Variants in PDK1 observed in about 807,000 individuals in gnomAD.
PDK1 encodes pyruvate dehydrogenase kinase 1.
Under a neutral mutation model 54.2 loss-of-function variants are expected in PDK1, and 39 were observed. The ratio of observed to expected loss-of-function variants is 0.72; its 90% CI spans 0.56 to 0.94. The LOEUF is 0.94. Ranked by LOEUF, PDK1 falls within the 40% of genes least tolerant of loss-of-function variation. The pLI is 0.00. For missense variants in PDK1, 552 were observed against 566.0 expected, an observed-to-expected ratio of 0.98 and a Z score of 0.25; for synonymous variants, 221 against 207.1, an observed-to-expected ratio of 1.07 and a Z score of -0.58.
chr2:172,630,632 ATT>A, the PDK1 span, among the ~76,000 whole-genome samples: 6,763 of 143,986 alleles, frequency 0.047, 310 homozygotes, highest in African/African-American at 0.12. Context: ...CTCTAATGGA[ATT>A]TTTTTTTTTT....
chr2:172,702,450 C>T, the PDK1 span, among the ~76,000 whole-genome samples: 7 of 151,018 alleles, frequency 4.6e-5, no homozygotes, highest in African/African-American at 1.7e-4. Context: ...GCACTCCAGC[C>T]TGGGCAACAG....
chr2:172,711,865 CAAAAAAAAAAAAAAAAAA>C, the PDK1 span, among the ~76,000 whole-genome samples: 106 of 22,790 alleles, frequency 4.7e-3, no homozygotes, highest in African/African-American at 0.013. Flanking sequence ...GAACCTAGCT[CAAAAAAAAAAAAAAAAAA>C]AAAAAAAAAA....
chr2:172,676,524 A>G, the PDK1 span, among the ~76,000 whole-genome samples: 2 of 152,204 alleles, frequency 1.3e-5, no homozygotes, highest in African/African-American at 4.8e-5. Flanking sequence ...AAGGGAATAG[A>G]ATTAGAAATG....
rs540289847 is a variant in PDK1 at position 172,598,144 on chromosome 2, C to A, written c.*2175C>A. On this transcript the variant is annotated 3_prime_UTR_variant, in exon 11 of 11. Transcript: ENST00000282077. ...ATTACAATTTTTTAGCTTTAAATTA[C>A]AGTTTTCTTATAATGTTGAAATGTT... 6.6e-6 allele frequency: 1 copy of A among 152,242 alleles called. No homozygotes were observed. The highest frequency in any genetic ancestry group is 2.1e-4 in the South Asian group (1 of 4,824). The allele number at this position is 152,242 out of a possible 1,614,324, so 9.4% of individuals were successfully genotyped here. A position where few individuals can be genotyped will look rare whatever the true frequency, so the allele number is the denominator to read the frequency against.
At position 172,604,461 on chromosome 2, in the gene PDK1, T is replaced by A. The variant is rs1239972794; in HGVS notation, c.*8492T>A. Reference sequence around the variant, plus strand: ...GCGCATATTTTGTTAGACTTAAATCTAAGTATTTGCTTTTTTTTTAACTTA... The same window carrying A: ...GCGCATATTTTGTTAGACTTAAATCAAAGTATTTGCTTTTTTTTTAACTTA... On this transcript the variant is annotated 3_prime_UTR_variant, in exon 11 of 11. Transcript: ENST00000282077. 2 of 152,204 alleles carry A rather than the reference T, an allele frequency of 1.3e-5. No individual in the cohort carries two copies. The highest frequency in any genetic ancestry group is 4.8e-5 in the African/African-American group (2 of 41,444). The allele number at this position is 152,204 out of a possible 1,614,324, so 9.4% of individuals were successfully genotyped here.
At chr2:172,575,970 C>T (rs374656051) in intron 8 of PDK1, among the ~76,000 whole-genome samples, 63 of 152,184 alleles carry the variant, frequency 4.1e-4, no homozygotes, top group African/African-American at 1.4e-3. Context: ...CTCTGTCGCC[C>T]AGGCTGGAGT....
At chr2:172,633,662 T>A in the PDK1 span, among the ~76,000 whole-genome samples, 1 of 151,216 alleles carries the variant, frequency 6.6e-6, no homozygotes, top group African/African-American at 2.4e-5. Flanking sequence ...ATTGACATTT[T>A]ATATTTGCTT....
the PDK1 span, among the ~76,000 whole-genome samples, chr2:172,664,039 C>G: frequency 6.7e-6 from 1 of 149,748 alleles, no homozygotes; most frequent in Non-Finnish European, 1.5e-5. Context: ...TTGCCAGGCG[C>G]GGTGGCTCAC....
At chr2:172,638,574 T>G in the PDK1 span, among the ~76,000 whole-genome samples, 1 of 152,208 alleles carries the variant, frequency 6.6e-6, no homozygotes, top group Admixed American at 6.5e-5. Context: ...CTAGGAAATA[T>G]CTATACTTAA....
the PDK1 span, among the ~76,000 whole-genome samples, chr2:172,665,280 C>T: frequency 1.3e-5 from 2 of 152,100 alleles, no homozygotes; most frequent in Non-Finnish European, 2.9e-5. Context: ...TGATCTCAGA[C>T]TAGGGTGGAC....
intron 8 of PDK1, among the ~76,000 whole-genome samples, chr2:172,577,467 T>C (rs1689640813): frequency 6.6e-6 from 1 of 152,114 alleles, no homozygotes; most frequent in Admixed American, 6.5e-5. Flanking sequence ...GTAATTTTGG[T>C]TTATGTTTGC....
At chr2:172,572,764 T>G (rs1689352858) in intron 8 of PDK1, among the ~76,000 whole-genome samples, 1 of 152,126 alleles carries the variant, frequency 6.6e-6, no homozygotes, top group Non-Finnish European at 1.5e-5. Context: ...ACCTATGAAG[T>G]CACTTCCCGT....
At position 172,600,775 on chromosome 2, in the gene PDK1, G is replaced by C. The variant is rs554774489; in HGVS notation, c.*4806G>C. 1 of 152,216 alleles carries C rather than the reference G, an allele frequency of 6.6e-6. No homozygotes were observed. The highest frequency in any genetic ancestry group is 1.5e-5 in the Non-Finnish European group (1 of 68,050). The allele number at this position is 152,216 out of a possible 1,614,324, so 9.4% of individuals were successfully genotyped here. On this transcript the variant is annotated 3_prime_UTR_variant, in exon 11 of 11. Coordinates refer to ENST00000282077, the MANE Select transcript of PDK1 (RefSeq NM_002610.5). Reference sequence around the variant, plus strand: ...GGACCAGGTGTGCTATCTGTACAGAGCATAGCTTTTTATCAGCTCTTATCC... The same window carrying C: ...GGACCAGGTGTGCTATCTGTACAGACCATAGCTTTTTATCAGCTCTTATCC...
chr2:172,676,327 G>C, the PDK1 span, among the ~76,000 whole-genome samples: 2 of 152,170 alleles, frequency 1.3e-5, no homozygotes, highest in African/African-American at 4.8e-5. Context: ...TCTGGGCAAA[G>C]TAAATAGAAA....
chr2:172,642,733 G>T, the PDK1 span, among the ~76,000 whole-genome samples: 1 of 152,082 alleles, frequency 6.6e-6, no homozygotes, highest in Non-Finnish European at 1.5e-5. Context: ...CAGGCACTTT[G>T]TGCCAAGGTA....
At chr2:172,572,176 G>A (rs1689311558) in intron 8 of PDK1, among the ~76,000 whole-genome samples, 1 of 151,998 alleles carries the variant, frequency 6.6e-6, no homozygotes, top group African/African-American at 2.4e-5. Flanking sequence ...TGTTATAGTA[G>A]TTGAGGAGTT....
In PDK1 at chr2:172,600,997, G is replaced by T. The variant is rs1691097195; in HGVS notation, c.*5028G>T. Reference sequence around the variant, plus strand: ...TATTAAGGGCCACTGTTTTACTGGGGTTAACTGCATGAGGTCAAAAAGAGC... The same window carrying T: ...TATTAAGGGCCACTGTTTTACTGGGTTTAACTGCATGAGGTCAAAAAGAGC... On this transcript the variant is annotated 3_prime_UTR_variant, in exon 11 of 11. Transcript: ENST00000282077. The T allele has an allele frequency of 6.6e-6, 1 of 152,122 alleles. No individual in the cohort carries two copies. The highest frequency in any genetic ancestry group is 1.5e-5 in the Non-Finnish European group (1 of 68,032). The allele number at this position is 152,122 out of a possible 1,614,324, so 9.4% of individuals were successfully genotyped here. A position where few individuals can be genotyped will look rare whatever the true frequency, so the allele number is the denominator to read the frequency against.
chr2:172,624,430 AACTGCGC>A, the PDK1 span, among the ~76,000 whole-genome samples: 1 of 152,116 alleles, frequency 6.6e-6, no homozygotes. Flanking sequence ...CCCCATTGAG[AACTGCGC>A]ATATGAGGGA....
the PDK1 span, among the ~76,000 whole-genome samples, chr2:172,655,513 G>T: frequency 6.6e-6 from 1 of 152,048 alleles, no homozygotes; most frequent in Non-Finnish European, 1.5e-5. Flanking sequence ...TTCTTTTCAC[G>T]TAAGAAGGTG....
Sources: gnomAD v4.1 joint callset for allele counts (sites outside exome capture counted in the v4.1 genomes callset) on GRCh38, gnomAD v4.1.1 for gene constraint, MANE v1.5 for transcripts, NCBI Gene and HGNC (gene_info 2026-07-23, HGNC 2026-07-21) for gene names.